DPP10: variants seen among roughly 807,000 people sequenced by gnomAD.
DPP10 encodes inactive dipeptidyl peptidase 10.
DPP10 carries 33 observed loss-of-function variants against 120.9 expected under a neutral mutation model. That is an observed-to-expected ratio of 0.27 (90% CI 0.21 to 0.37). The LOEUF is 0.37. DPP10 is among the 10% of genes least tolerant of loss of function. DPP10 has a pLI of 1.00. For missense variants in DPP10, 816 were observed against 942.8 expected (o/e 0.87, Z 1.76); for synonymous variants, 337 against 326.1 (o/e 1.03, Z -0.36).
intron 5 of DPP10, among the ~76,000 whole-genome samples, chr2:115,575,639 G>A (rs902308525): frequency 6.6e-6 from 1 of 152,106 alleles, no homozygotes; most frequent in African/African-American, 2.4e-5. Flanking sequence ...TATCCATGTT[G>A]AAAGACTGTG....
chr2:114,531,704 A>G (rs1686005375), intron 1 of DPP10, among the ~76,000 whole-genome samples: 1 of 152,014 alleles, frequency 6.6e-6, no homozygotes, highest in African/African-American at 2.4e-5. Context: ...ACGGAAGCAA[A>G]TAGATCTTCA....
At chr2:115,465,592 G>A (rs2074278605) in intron 3 of DPP10, among the ~76,000 whole-genome samples, 1 of 152,184 alleles carries the variant, frequency 6.6e-6, no homozygotes, top group East Asian at 1.9e-4. Context: ...GGAGGCCAAG[G>A]CAGGTGTATC....
chr2:114,611,590 T>A (rs1360846611), intron 1 of DPP10, among the ~76,000 whole-genome samples: 1 of 152,238 alleles, frequency 6.6e-6, no homozygotes, highest in Admixed American at 6.5e-5. Context: ...TGTTACATTA[T>A]GAGAAAATAT....
chr2:115,176,167 A>G lies in DPP10; in HGVS notation c.61-133072A>G, dbSNP rs544655085. On this transcript the variant is annotated intron_variant, in intron 1 of 25. Coordinates refer to ENST00000410059, the MANE Select transcript of DPP10 (RefSeq NM_020868.6). ...AATATGACTTTCAAATTATAAAAGG[A>G]AAGAATTTCAGTGACAAAATTATTA... is the stretch of plus-strand genomic sequence containing the variant. 1.1e-4 allele frequency among the ~76,000 whole-genome samples: 17 copies of G among 151,952 alleles called. No individual in the cohort carries two copies. The South Asian group carries it at 3.3e-3, about 30-fold the overall frequency.
intron 1 of DPP10, among the ~76,000 whole-genome samples, chr2:114,609,693 G>T (rs540863269): frequency 1.3e-5 from 2 of 152,148 alleles, no homozygotes; most frequent in African/African-American, 4.8e-5. Flanking sequence ...CCAAACTATC[G>T]CATCCAAACT....
At chr2:114,974,683 A>G (rs1266417437) in intron 1 of DPP10, among the ~76,000 whole-genome samples, 12 of 152,180 alleles carry the variant, frequency 7.9e-5, no homozygotes. Flanking sequence ...CTGGGATTAC[A>G]GGCGTGAGCC....
intron 5 of DPP10, among the ~76,000 whole-genome samples, chr2:115,652,392 A>T (rs2087864448): frequency 7.0e-6 from 1 of 143,618 alleles, no homozygotes. Flanking sequence ...CAGAGAAAGA[A>T]AACCAATAGG....
intron 1 of DPP10, among the ~76,000 whole-genome samples, chr2:114,544,094 G>A (rs866078520): frequency 2.6e-5 from 4 of 152,132 alleles, no homozygotes; most frequent in African/African-American, 9.7e-5. Context: ...GGGGAAGGGA[G>A]CTATGCAAGT....
At chr2:115,531,812 A>G (rs572791510) in intron 5 of DPP10, among the ~76,000 whole-genome samples, 86 of 152,262 alleles carry the variant, frequency 5.6e-4, no homozygotes, top group South Asian at 1.5e-3. Context: ...ACGAGCCACA[A>G]GGGAGAACAC....
chr2:115,745,063 C>G (rs1467427744), intron 9 of DPP10, among the ~76,000 whole-genome samples: 3 of 150,142 alleles, frequency 2.0e-5, no homozygotes, highest in African/African-American at 7.3e-5. Context: ...TTTATTCATT[C>G]CAATTGCTTG....
At chr2:114,519,853 G>A (rs755595147) in intron 1 of DPP10, among the ~76,000 whole-genome samples, 1 of 152,176 alleles carries the variant, frequency 6.6e-6, no homozygotes, top group Non-Finnish European at 1.5e-5. Context: ...TGTTTTAGAA[G>A]TCTACAAAAT....
intron 1 of DPP10, among the ~76,000 whole-genome samples, chr2:114,830,632 C>T (rs1176777484): frequency 6.6e-6 from 1 of 152,126 alleles, no homozygotes; most frequent in Non-Finnish European, 1.5e-5. Context: ...ATTTTCAAAT[C>T]GAAGCAGATA....
chr2:115,030,836 A>T (rs1703792434), intron 1 of DPP10, among the ~76,000 whole-genome samples: 1 of 152,172 alleles, frequency 6.6e-6, no homozygotes, highest in Admixed American at 6.5e-5. Context: ...TAGTTCAAAA[A>T]TTGGGGAAAA....
chr2:114,789,805 C>T (rs1444595695), intron 1 of DPP10, among the ~76,000 whole-genome samples: 2 of 152,194 alleles, frequency 1.3e-5, no homozygotes, highest in Admixed American at 1.3e-4. Flanking sequence ...CATGAGTGTG[C>T]AGTCCCAATT....
intron 1 of DPP10, among the ~76,000 whole-genome samples, chr2:114,934,321 C>T (rs1275004316): frequency 3.9e-5 from 6 of 152,008 alleles, no homozygotes; most frequent in Non-Finnish European, 5.9e-5. Context: ...TTAATTGACA[C>T]GTGTATTGTG....
intron 1 of DPP10, among the ~76,000 whole-genome samples, chr2:115,294,124 T>C (rs2060779469): frequency 6.6e-6 from 1 of 152,096 alleles, no homozygotes; most frequent in Non-Finnish European, 1.5e-5. Flanking sequence ...CAGATGTAGT[T>C]TGTTAAGTGC....
At chr2:114,614,544 A>G (rs1259099848) in intron 1 of DPP10, among the ~76,000 whole-genome samples, 1 of 152,194 alleles carries the variant, frequency 6.6e-6, no homozygotes, top group Non-Finnish European at 1.5e-5. Flanking sequence ...CACACATCTA[A>G]TTAACCTTTA....
chr2:115,796,582 T>C (rs114944776), intron 19 of DPP10, among the ~76,000 whole-genome samples: 2,771 of 152,230 alleles, frequency 0.018, 86 homozygotes, highest in African/African-American at 0.061. Flanking sequence ...TTTAGTTTTG[T>C]ACTCAGAATG....
chr2:115,189,642 G>C (rs937916207), intron 1 of DPP10, among the ~76,000 whole-genome samples: 1 of 151,972 alleles, frequency 6.6e-6, no homozygotes, highest in Non-Finnish European at 1.5e-5. Context: ...AACATGACTT[G>C]GCTTAGTTGT....
Sources: gnomAD v4.1 joint callset for allele counts (sites outside exome capture counted in the v4.1 genomes callset) on GRCh38, gnomAD v4.1.1 for gene constraint, MANE v1.5 for transcripts, NCBI Gene and HGNC (gene_info 2026-07-23, HGNC 2026-07-21) for gene names.